Variants in STK3 observed in about 807,000 individuals in gnomAD.
STK3 encodes the protein serine/threonine kinase 3.
Under a neutral mutation model 58.0 loss-of-function variants are expected in STK3, and 41 were observed. That is an observed-to-expected ratio of 0.71 (90% CI 0.55 to 0.92). STK3 has a LOEUF of 0.92. Among genes scored for constraint, STK3 ranks in the 40% least tolerant of loss-of-function variants. The pLI, the probability that STK3 is intolerant of heterozygous loss-of-function variation, is 0.00. For missense variants in STK3, 479 were observed against 602.7 expected (o/e 0.79, Z 2.15); for synonymous variants, 170 against 191.0 (o/e 0.89, Z 0.91).
intron 1 of STK3, among the ~76,000 whole-genome samples, chr8:98,895,074 G>A (rs1193670064): frequency 6.6e-6 from 1 of 152,154 alleles, no homozygotes; most frequent in African/African-American, 2.4e-5. Context: ...GAACTCAGGA[G>A]CAATGGCACT....
At chr8:98,667,735 T>C (rs904930535) in intron 6 of STK3, among the ~76,000 whole-genome samples, 4 of 152,080 alleles carry the variant, frequency 2.6e-5, no homozygotes, top group Non-Finnish European at 5.9e-5. Context: ...ACAAAACAAA[T>C]GTTAAATTCA....
At chr8:98,429,900 C>T (rs1374961548) in intron 3 of STK3, 1 of 168,404 alleles carries the variant, frequency 5.9e-6, no homozygotes. Context: ...AAAATCTCAG[C>T]TCTTTATCCA....
At chr8:98,691,578 C>T (rs1824405690) in intron 6 of STK3, among the ~76,000 whole-genome samples, 1 of 151,976 alleles carries the variant, frequency 6.6e-6, no homozygotes, top group African/African-American at 2.4e-5. Context: ...CCTTCACCAG[C>T]ATAGAAACAA....
chr8:98,690,775 T>C (rs1483269899), intron 6 of STK3, among the ~76,000 whole-genome samples: 1 of 152,114 alleles, frequency 6.6e-6, no homozygotes, highest in African/African-American at 2.4e-5. Flanking sequence ...GCCAGAGACA[T>C]CAATTTACCT....
At chr8:98,751,049 A>G (rs1829943706) in intron 3 of STK3, among the ~76,000 whole-genome samples, 1 of 152,220 alleles carries the variant, frequency 6.6e-6, no homozygotes, top group South Asian at 2.1e-4. Context: ...ATAAAATCAG[A>G]CATCCATTCA....
At chr8:98,699,877 C>A (rs559861284) in intron 6 of STK3, among the ~76,000 whole-genome samples, 1 of 152,318 alleles carries the variant, frequency 6.6e-6, no homozygotes, top group Admixed American at 6.5e-5. Context: ...GCTGGGAGAA[C>A]CACTGCTCTC....
chr8:98,718,247 A>G (rs1202116156), intron 4 of STK3, among the ~76,000 whole-genome samples: 1 of 152,032 alleles, frequency 6.6e-6, no homozygotes, highest in African/African-American at 2.4e-5. Context: ...AATAAAACTG[A>G]GGGGGGGAAA....
At chr8:98,460,588 T>C (rs1280468330) in intron 10 of STK3, among the ~76,000 whole-genome samples, 2 of 152,184 alleles carry the variant, frequency 1.3e-5, no homozygotes, top group Non-Finnish European at 2.9e-5. Flanking sequence ...TCAAATCTCA[T>C]CTTGAAGTGT....
chr8:98,838,615 C>A (rs1037619089), intron 3 of STK3, among the ~76,000 whole-genome samples: 1 of 152,076 alleles, frequency 6.6e-6, no homozygotes, highest in Admixed American at 6.6e-5. Context: ...GCATGTGATA[C>A]ATTCAAAGTA....
At chr8:98,925,095 A>G (rs1006348082) in intron 1 of STK3, among the ~76,000 whole-genome samples, 19 of 152,258 alleles carry the variant, frequency 1.2e-4, no homozygotes, top group Admixed American at 8.5e-4. Flanking sequence ...AGTAACCACA[A>G]GAAGGTCAGA....
chr8:98,839,259 A>T (rs1252086999), intron 3 of STK3, among the ~76,000 whole-genome samples: 1 of 152,062 alleles, frequency 6.6e-6, no homozygotes, highest in Non-Finnish European at 1.5e-5. Context: ...TATGTTGCCC[A>T]GGCTGGTCTT....
At chr8:98,416,184 AG>A (rs1818111741) in intron 3 of STK3, among the ~76,000 whole-genome samples, 1 of 152,216 alleles carries the variant, frequency 6.6e-6, no homozygotes, top group Admixed American at 6.5e-5. Context: ...CAAACTTAAG[AG>A]GGGCCAGGGA....
At chr8:98,368,404 G>C (rs1026529381), downstream of STK3, among the ~76,000 whole-genome samples, 3 of 152,156 alleles carry the variant, frequency 2.0e-5, no homozygotes, top group Non-Finnish European at 4.4e-5. Flanking sequence ...AGAAGAATGA[G>C]ACATCCAACC....
intron 4 of STK3, among the ~76,000 whole-genome samples, chr8:98,731,450 T>G (rs190836265): frequency 6.6e-6 from 1 of 152,168 alleles, no homozygotes. Context: ...CCGGGCGCAG[T>G]GGCTCACGCC....
intron 3 of STK3, among the ~76,000 whole-genome samples, chr8:98,751,915 G>A (rs1830010668): frequency 6.6e-6 from 1 of 151,718 alleles, no homozygotes; most frequent in Non-Finnish European, 1.5e-5. Context: ...ACTCCAGCCT[G>A]GGCAACAGAG....
intron 10 of STK3, among the ~76,000 whole-genome samples, chr8:98,481,743 T>A (rs555422908): frequency 4.5e-4 from 68 of 151,734 alleles, no homozygotes; most frequent in Non-Finnish European, 7.8e-4. Flanking sequence ...AAAAACTTAG[T>A]AAGCCTCCTA....
In STK3 at chr8:98,737,233, G is replaced by C. The variant is rs80290165; in HGVS notation, c.351+12043C>G. On this transcript the variant is annotated intron_variant, in intron 4 of 10. Transcript: ENST00000419617. The stretch of plus-strand genomic sequence containing the variant: ...TTCATTTAAGTGAATATAATAATAA[G>C]AAAAGTCAATTCAAGGGCTCTACCT... Among the ~76,000 whole-genome samples the C allele has an allele frequency of 4.5e-3, 687 of 152,064 alleles. 7 individuals carry two copies. Among genetic ancestry groups the C allele is most frequent in the African/African-American group, 0.016 (658 of 41,466 alleles).
intron 10 of STK3, among the ~76,000 whole-genome samples, chr8:98,507,658 C>T (rs1824199921): frequency 6.6e-6 from 1 of 152,214 alleles, no homozygotes; most frequent in Non-Finnish European, 1.5e-5. Flanking sequence ...TACCACTTCC[C>T]TATCCTGCTC....
At chr8:98,648,269 T>C (rs1247588469) in intron 6 of STK3, among the ~76,000 whole-genome samples, 1 of 152,236 alleles carries the variant, frequency 6.6e-6, no homozygotes, top group Non-Finnish European at 1.5e-5. Flanking sequence ...CAGTGGAATA[T>C]AACTACATTA....
Sources: allele counts gnomAD v4.1 joint callset (sites outside exome capture counted in the v4.1 genomes callset), GRCh38; gene constraint gnomAD v4.1.1; transcripts MANE v1.5; gene names NCBI Gene and HGNC (gene_info 2026-07-23, HGNC 2026-07-21).